The following PTGIS variants were observed in gnomAD, a reference collection of about 807,000 sequenced individuals.
PTGIS encodes prostaglandin I2 synthase, also known as prostacyclin synthase.
Under a neutral mutation model 50.3 loss-of-function variants are expected in PTGIS, and 45 were observed. The observed-to-expected ratio is 0.90, with a 90% CI of 0.70 to 1.15. The LOEUF is 1.15. Among genes scored for constraint, PTGIS ranks in the 50% most tolerant of loss-of-function variants. The pLI, the probability that PTGIS is intolerant of heterozygous loss-of-function variation, is 0.00. For missense variants in PTGIS, 668 were observed against 661.3 expected (o/e 1.01, Z -0.11); for synonymous variants, 260 against 267.7 (o/e 0.97, Z 0.28).
rs1981201135 is a variant in PTGIS, at chr20:49,507,985, T to C, written c.1438A>G (p.Arg480Gly). The change falls in exon 10 of 10, where the codon AGG becomes GGG. Residue 480 changes from arginine to glycine, a missense_variant. Transcript: ENST00000244043. ...GGCTGCATCAGACCGAAGCCGTACC[T>C]GCTGAGGTCAAACTCAGGGATCTCC... is the stretch of plus-strand genomic sequence containing the variant. ...DVEIPEFDLS[R>G]YGFGLMQPEH... The C allele has an allele frequency of 1.9e-6, 3 of 1,613,806 alleles. No individual in the cohort carries two copies. The highest frequency in any genetic ancestry group is 2.5e-6 in the Non-Finnish European group (3 of 1,180,032).
Position 49,511,105 on chromosome 20 carries a change from C to T in PTGIS, c.1281G>A (p.Leu427=), listed in dbSNP as rs749944264. The T allele has an allele frequency of 1.9e-6, 3 of 1,614,220 alleles. No homozygotes were observed. The highest frequency in any genetic ancestry group is 4.5e-5 in the East Asian group (2 of 44,888). Residue 427 remains leucine (L), a synonymous_variant, in exon 9 of 10, where the codon CTG becomes CTA. Coordinates refer to ENST00000244043, the MANE Select transcript of PTGIS (RefSeq NM_000961.4). The part of the protein sequence containing the change: ...KKDFYKDGKR[L]KNYNMPWGAG... ...CCCCCCAGGGCATGTTGTAATTCTT[C>T]AGCCGTTTCCCATCCTTGTAAAAGT...
chr20:49,539,198 C>T (rs866594863), intron 5 of PTGIS, among the ~76,000 whole-genome samples: 12 of 152,148 alleles, frequency 7.9e-5, no homozygotes, highest in South Asian at 2.1e-4. Flanking sequence ...AAGTGGAGCG[C>T]TCTTTTATTC....
At chr20:49,535,558 G>A (rs1982047646) in intron 5 of PTGIS, among the ~76,000 whole-genome samples, 1 of 152,178 alleles carries the variant, frequency 6.6e-6, no homozygotes, top group African/African-American at 2.4e-5. Flanking sequence ...CTGTCACCCA[G>A]GCTGGAGTGC....
chr20:49,517,477 TGC>T (rs1001117485), intron 6 of PTGIS, among the ~76,000 whole-genome samples: 6 of 148,580 alleles, frequency 4.0e-5, no homozygotes, highest in African/African-American at 1.5e-4. Context: ...TGTGTGTGTG[TGC>T]ACACACAACC....
chr20:49,518,667 A>C (rs1421016017), intron 6 of PTGIS, among the ~76,000 whole-genome samples: 2 of 151,554 alleles, frequency 1.3e-5, no homozygotes, highest in East Asian at 1.9e-4. Context: ...AAAAAAAAAA[A>C]CAAACAAAAA....
At chr20:49,512,884 T>C (rs1568668479) in intron 8 of PTGIS, among the ~76,000 whole-genome samples, 196 bp downstream of exon 8, 1 of 152,184 alleles carries the variant, frequency 6.6e-6, no homozygotes, top group East Asian at 1.9e-4. Flanking sequence ...AATCTTCCTA[T>C]CAATCTCATG....
chr20:49,564,768 G>T (rs1183618986), intron 1 of PTGIS, among the ~76,000 whole-genome samples: 1 of 152,126 alleles, frequency 6.6e-6, no homozygotes, highest in Admixed American at 6.5e-5. Flanking sequence ...GCCTAGATGT[G>T]GAGTATAATT....
rs1981140262 is a variant in PTGIS at position 49,505,911 on chromosome 20, C to T, written c.*2009G>A. 6.6e-6 allele frequency: 1 copy of T among 152,660 alleles called. No individual in the cohort carries two copies. Among genetic ancestry groups the T allele is most frequent in the African/African-American group, 2.4e-5 (1 of 41,460 alleles). The allele number at this position is 152,660 out of a possible 1,614,324, so 9.5% of individuals were successfully genotyped here. A position where few individuals can be genotyped will look rare whatever the true frequency, so the allele number is the denominator to read the frequency against. Reference sequence around the variant, plus strand: ...ACCCCAGTGCTGCTCTGAGAAGAGACTAGCCTCTGGGACATTCAGAGGTCT... The same window carrying T: ...ACCCCAGTGCTGCTCTGAGAAGAGATTAGCCTCTGGGACATTCAGAGGTCT... On this transcript the variant is annotated 3_prime_UTR_variant, in exon 10 of 10. Transcript: ENST00000244043.
At chr20:49,532,168 T>C (rs1374386751) in intron 5 of PTGIS, among the ~76,000 whole-genome samples, 2 of 152,224 alleles carry the variant, frequency 1.3e-5, no homozygotes, top group Non-Finnish European at 1.5e-5. Flanking sequence ...TTTAGATGTA[T>C]TGGCTTAAAT....
At chr20:49,562,221 T>C (rs1265439550) in intron 1 of PTGIS, among the ~76,000 whole-genome samples, 1 of 152,200 alleles carries the variant, frequency 6.6e-6, no homozygotes, top group Non-Finnish European at 1.5e-5. Context: ...TGCAGAGATA[T>C]TCCAGAGACC....
At chr20:49,515,165 G>A (rs1308539244) in intron 6 of PTGIS, among the ~76,000 whole-genome samples, 2 of 152,222 alleles carry the variant, frequency 1.3e-5, no homozygotes, top group Non-Finnish European at 2.9e-5. Flanking sequence ...AGTTTGGGAA[G>A]CAAAAAGTTC....
At chr20:49,566,639 G>A (rs563535755) in intron 1 of PTGIS, among the ~76,000 whole-genome samples, 3 of 152,320 alleles carry the variant, frequency 2.0e-5, no homozygotes, top group Middle Eastern at 3.4e-3. Flanking sequence ...CAAGGTTTCC[G>A]GAATTTTCAG....
intron 5 of PTGIS, among the ~76,000 whole-genome samples, chr20:49,528,927 G>C: frequency 6.6e-6 from 1 of 152,310 alleles, no homozygotes; most frequent in South Asian, 2.1e-4. Flanking sequence ...GGTGGAAGGG[G>C]ATGTGACAAG....
At chr20:49,544,233 G>A in intron 4 of PTGIS, 72 bp downstream of exon 4, 1 of 1,591,768 alleles carries the variant, frequency 6.3e-7, no homozygotes, top group East Asian at 2.2e-5. Flanking sequence ...CGGTTCCCTT[G>A]GCCACTGCTC....
chr20:49,551,740 A>C (rs1469500245), intron 1 of PTGIS, among the ~76,000 whole-genome samples: 1 of 149,352 alleles, frequency 6.7e-6, no homozygotes, highest in Non-Finnish European at 1.5e-5. Flanking sequence ...AGCAGTGTTT[A>C]TGTATGTGTG....
At chr20:49,529,987 T>A (rs73263235) in intron 5 of PTGIS, among the ~76,000 whole-genome samples, 2,727 of 151,942 alleles carry the variant, frequency 0.018, 79 homozygotes, top group African/African-American at 0.062. Flanking sequence ...AAACCCTGTC[T>A]CTACTAAAAA....
At chr20:49,526,622 C>T (rs993126191) in intron 5 of PTGIS, among the ~76,000 whole-genome samples, 1 of 152,148 alleles carries the variant, frequency 6.6e-6, no homozygotes, top group African/African-American at 2.4e-5. Flanking sequence ...ACTCCTACGA[C>T]TCAACAACAA....
At chr20:49,560,091 T>C (rs1187701669) in intron 1 of PTGIS, among the ~76,000 whole-genome samples, 2 of 150,888 alleles carry the variant, frequency 1.3e-5, no homozygotes, top group African/African-American at 4.9e-5. Context: ...GCCCGGCCAA[T>C]TTTTTGTATT....
intron 9 of PTGIS, among the ~76,000 whole-genome samples, chr20:49,508,400 G>A (rs1981215867): frequency 2.0e-5 from 3 of 152,176 alleles, no homozygotes; most frequent in Admixed American, 2.0e-4. Flanking sequence ...AGACGGTGGA[G>A]CCGAAAGAGG....
Sources: allele counts gnomAD v4.1 joint callset (sites outside exome capture counted in the v4.1 genomes callset), GRCh38; gene constraint gnomAD v4.1.1; transcripts MANE v1.5; gene names NCBI Gene and HGNC (gene_info 2026-07-23, HGNC 2026-07-21).